The following HERC2 variants were observed in gnomAD, a reference collection of about 807,000 sequenced individuals.
HERC2 encodes the protein HECT and RLD domain containing E3 ubiquitin protein ligase 2, also known as E3 ubiquitin-protein ligase HERC2.
Under a neutral mutation model 537.7 loss-of-function variants are expected in HERC2, and 102 were observed. The ratio of observed to expected loss-of-function variants is 0.19; its 90% CI spans 0.16 to 0.22. The LOEUF (loss-of-function observed/expected upper bound fraction) is 0.22. Ranked by LOEUF, HERC2 falls within the 10% of genes least tolerant of loss-of-function variation. HERC2 has a pLI of 1.00. For synonymous variants in HERC2, 2,224 were observed against 2,466.2 expected (o/e 0.90, Z 2.91); for missense variants, 4,236 against 6,198.2 (o/e 0.68, Z 10.63).
At position 28,269,273 on chromosome 15, in the gene HERC2, G is replaced by T; in HGVS notation, c.1421C>A (p.Thr474Lys). 1.2e-6 allele frequency: 2 copies of T among 1,613,892 alleles called. No homozygotes were observed. Among genetic ancestry groups the T allele is most frequent in the Non-Finnish European group, 1.7e-6 (2 of 1,179,878 alleles). ...LILSRNGRVY[T>K]QAYNSDTLAP... is the part of the protein sequence containing the mutation. ...CAGCGTGTCACTATTATAGGCCTGTGTGTACACGCGGCCATTGCGTGACAG... is the reference window on the plus strand; with the variant it reads ...CAGCGTGTCACTATTATAGGCCTGTTTGTACACGCGGCCATTGCGTGACAG... The change falls in exon 11 of 93, where the codon ACA becomes AAA. Residue 474 changes from threonine to lysine, a missense_variant. Thr to Lys is a moderately conservative substitution (Grantham distance 78, BLOSUM62 -1). Transcript: ENST00000261609.
chr15:28,117,669 G>A lies in HERC2; in HGVS notation c.13273-515C>T, dbSNP rs187931862. 3.7e-5 allele frequency: 15 copies of A among 400,764 alleles called. No homozygotes were observed. In the East Asian group the frequency reaches 9.3e-4, roughly 25 times the overall value. 24.8% of individuals were successfully genotyped at this position (400,764 alleles called of 1,614,324 possible). On this transcript the variant is annotated intron_variant, in intron 86 of 92. Coordinates refer to ENST00000261609, the MANE Select transcript of HERC2 (RefSeq NM_004667.6). ...ACACAGTGAGTGAGTGCCTCAGCCA[G>A]GACCAGCCCTTCCCCACATCTGCTT...
At chr15:28,145,218 C>A (rs1433405589) in intron 71 of HERC2, among the ~76,000 whole-genome samples, 1 of 152,198 alleles carries the variant, frequency 6.6e-6, no homozygotes, top group Non-Finnish European at 1.5e-5. Flanking sequence ...AAGGAAGAAC[C>A]CTAGCTCTCC....
At chr15:28,245,562 TATATACACAC>T (rs1408702376) in intron 23 of HERC2, among the ~76,000 whole-genome samples, 1 of 62,904 alleles carries the variant, frequency 1.6e-5, no homozygotes, top group African/African-American at 5.3e-5. Flanking sequence ...AAAAAAAAAA[TATATACACAC>T]ACACACACAC....
chr15:28,212,906 A>T (rs1899420131), intron 42 of HERC2: 1 of 497,268 alleles, frequency 2.0e-6, no homozygotes, highest in African/African-American at 2.1e-5. Context: ...AATAAAAAAG[A>T]GTACTTTATA....
chr15:28,132,307 G>T, intron 80 of HERC2, 46 bp from the exon 81 acceptor site: 1 of 1,545,658 alleles, frequency 6.5e-7, no homozygotes, highest in Non-Finnish European at 8.8e-7. Context: ...ACACAAGAAG[G>T]CTTGCCACAG....
At chr15:28,117,285 C>T (rs753409234) in intron 86 of HERC2, 131 bp from the exon 87 acceptor site, 1 of 921,284 alleles carries the variant, frequency 1.1e-6, no homozygotes, top group South Asian at 1.4e-5. Context: ...CACACACCTG[C>T]TTGTGTGGAC....
chr15:28,282,383 T>C (rs1168386888), intron 4 of HERC2, among the ~76,000 whole-genome samples: 1 of 151,822 alleles, frequency 6.6e-6, no homozygotes, highest in Non-Finnish European at 1.5e-5. Context: ...ATGTGGCAAA[T>C]AATTAAAAAC....
chr15:28,261,266 G>C (rs2075408446), intron 15 of HERC2, among the ~76,000 whole-genome samples: 1 of 151,380 alleles, frequency 6.6e-6, no homozygotes, highest in Non-Finnish European at 1.5e-5. Flanking sequence ...AAAGAAACAA[G>C]GTGCTTTTAA....
intron 78 of HERC2, among the ~76,000 whole-genome samples, chr15:28,137,226 T>C (rs1890738925): frequency 6.6e-6 from 1 of 152,220 alleles, no homozygotes; most frequent in African/African-American, 2.4e-5. Flanking sequence ...AGAGGGGCTA[T>C]ATTTCAAACC....
At chr15:28,317,353 T>G (rs1437458758) in intron 2 of HERC2, among the ~76,000 whole-genome samples, 1 of 152,184 alleles carries the variant, frequency 6.6e-6, no homozygotes, top group Non-Finnish European at 1.5e-5. Context: ...CCTCCCAAAG[T>G]GCTGTGATTA....
chr15:28,217,407 C>T (rs764974317), intron 38 of HERC2, among the ~76,000 whole-genome samples: 4 of 152,296 alleles, frequency 2.6e-5, no homozygotes, highest in South Asian at 2.1e-4. Flanking sequence ...ACTTGCCCAT[C>T]GACCGCTAAC....
In HERC2 at chr15:28,111,645, C is replaced by T. The variant is rs1887655179; in HGVS notation, c.*118G>A. ...AGTCAGTCTCTCCACTCCCTCCTCC[C>T]GCCTGGCTCGAGGACGGACGCTTCT... On this transcript the variant is annotated 3_prime_UTR_variant, in exon 93 of 93. Transcript: ENST00000261609. The T allele has an allele frequency of 7.3e-6, 8 of 1,093,164 alleles. No individual in the cohort carries two copies. Among genetic ancestry groups the T allele is most frequent in the Non-Finnish European group, 4.0e-6 (3 of 756,590 alleles). The allele number at this position is 1,093,164 out of a possible 1,614,324, so 67.7% of individuals were successfully genotyped here.
intron 39 of HERC2, among the ~76,000 whole-genome samples, chr15:28,215,168 C>G (rs540379036): frequency 3.9e-5 from 6 of 152,134 alleles, no homozygotes; most frequent in African/African-American, 1.2e-4. Flanking sequence ...TGAGCCACTG[C>G]GCCCGGCCTC....
intron 2 of HERC2, among the ~76,000 whole-genome samples, chr15:28,313,541 A>T (rs1368031325): frequency 1.3e-5 from 2 of 152,194 alleles, no homozygotes; most frequent in Non-Finnish European, 2.9e-5. Flanking sequence ...ATAATATAAC[A>T]AATGAATATC....
chr15:28,309,269 T>TTAA (rs1345510494), intron 2 of HERC2, among the ~76,000 whole-genome samples: 56 of 152,338 alleles, frequency 3.7e-4, no homozygotes, highest in African/African-American at 1.2e-3. Flanking sequence ...TGTTGAAGCC[T>TTAA]CCATCTATTA....
At chr15:28,180,889 T>C (rs1895757613) in intron 57 of HERC2, among the ~76,000 whole-genome samples, 1 of 152,174 alleles carries the variant, frequency 6.6e-6, no homozygotes, top group South Asian at 2.1e-4. Flanking sequence ...AGGGTGTACA[T>C]AGGTTATATG....
chr15:28,171,594 G>A (rs1384887575), intron 65 of HERC2, among the ~76,000 whole-genome samples: 1 of 151,670 alleles, frequency 6.6e-6, no homozygotes, highest in Non-Finnish European at 1.5e-5. Flanking sequence ...TGAGACAGAA[G>A]GGGAAAAAAC....
chr15:28,289,040 A>G (rs74006708), intron 4 of HERC2, among the ~76,000 whole-genome samples: 19,983 of 149,684 alleles, frequency 0.13, 1,977 homozygotes, highest in East Asian at 0.41. Flanking sequence ...ACTGCCCCGC[A>G]GCTCAGGCAG....
At chr15:28,290,410 C>T (rs1462131612) in intron 4 of HERC2, among the ~76,000 whole-genome samples, 2 of 152,020 alleles carry the variant, frequency 1.3e-5, no homozygotes, top group East Asian at 3.9e-4. Context: ...TTGTATGTTT[C>T]ATAGAGACAG....
Sources: allele counts gnomAD v4.1 joint callset (sites outside exome capture counted in the v4.1 genomes callset), GRCh38; gene constraint gnomAD v4.1.1; transcripts MANE v1.5; gene names NCBI Gene and HGNC (gene_info 2026-07-23, HGNC 2026-07-21).